The following COA8 variants were observed in gnomAD, a reference collection of about 807,000 sequenced individuals.
COA8 encodes cytochrome c oxidase assembly factor 8, also known as UPF0671 protein C14orf153.
Under a neutral mutation model 22.0 loss-of-function variants are expected in COA8, and 20 were observed. The ratio of observed to expected loss-of-function variants is 0.91; its 90% CI spans 0.64 to 1.32. The LOEUF is 1.32. COA8 is among the 40% of genes most tolerant of loss of function. COA8 has a pLI of 0.00. For missense variants in COA8, 266 were observed against 230.0 expected (o/e 1.16, Z -1.01); for synonymous variants, 105 against 79.9 (o/e 1.31, Z -1.68).
chr14:103,574,341 C>A, intron 3 of COA8, 171 bp downstream of exon 3: 1 of 860,306 alleles, frequency 1.2e-6, no homozygotes, highest in Non-Finnish European at 1.9e-6. Context: ...ACCCAGTTCC[C>A]AGGCATGGCT....
intron 1 of COA8, among the ~76,000 whole-genome samples, chr14:103,570,232 G>A (rs1452097214): frequency 6.6e-6 from 1 of 152,090 alleles, no homozygotes; most frequent in African/African-American, 2.4e-5. Flanking sequence ...GTAAAATGTT[G>A]AAGGTCTGTA....
At chr14:103,585,854 G>A (rs1418655794) in intron 3 of COA8, among the ~76,000 whole-genome samples, 3 of 151,592 alleles carry the variant, frequency 2.0e-5, no homozygotes, top group Non-Finnish European at 4.4e-5. Flanking sequence ...GATTACAGGC[G>A]TGAGCCACCA....
chr14:103,573,801 C>G (rs1308264155), intron 2 of COA8, among the ~76,000 whole-genome samples: 1 of 152,208 alleles, frequency 6.6e-6, no homozygotes, highest in East Asian at 1.9e-4. Flanking sequence ...GATCCACCCA[C>G]CTCGTCCTCC....
intron 4 of COA8, 127 bp downstream of exon 4, chr14:103,587,491 T>C: frequency 1.9e-6 from 1 of 528,122 alleles, no homozygotes; most frequent in Non-Finnish European, 3.2e-6. Context: ...TTTATCAACT[T>C]TTTTTTTTCT....
intron 1 of COA8, among the ~76,000 whole-genome samples, chr14:103,570,847 AG>A (rs1418994937): frequency 1.3e-5 from 2 of 152,096 alleles, no homozygotes; most frequent in African/African-American, 4.8e-5. Flanking sequence ...AATAGTTTGG[AG>A]GAAGGGGTGG....
At position 103,563,124 on chromosome 14, in the gene COA8, G is replaced by T. The variant is rs760697714; in HGVS notation, c.123G>T (p.Gly41=). The T allele has an allele frequency of 3.2e-5, 49 of 1,539,540 alleles. No homozygotes were observed. Among genetic ancestry groups the T allele is most frequent in the Non-Finnish European group, 4.0e-5 (46 of 1,148,294 alleles). The change falls in exon 1 of 5, where the codon GGG becomes GGT. Residue 41 remains glycine, a splice_region_variant and synonymous_variant. Coordinates refer to ENST00000409074, the MANE Select transcript of COA8 (RefSeq NM_001370595.2). ...AGCGCAGGGATACGGCGCCCAGCGG[G>T]GTAAGCAGGGGCCTGGGGACATTGG... The part of the protein sequence containing the change: ...GAERRDTAPS[G]VSRFCPPRKS...
chr14:103,585,499 T>C (rs573895528), intron 3 of COA8, among the ~76,000 whole-genome samples: 1 of 151,512 alleles, frequency 6.6e-6, no homozygotes, highest in East Asian at 1.9e-4. Flanking sequence ...AAAAAAGTTA[T>C]TTACATATTC....
rs777029150 is a variant in COA8 at position 103,571,787 on chromosome 14, G to C, written c.288G>C (p.Gln96His). The C allele has an allele frequency of 3.1e-6, 5 of 1,614,102 alleles. No homozygotes were observed. Among genetic ancestry groups the C allele is most frequent in the Non-Finnish European group, 4.2e-6 (5 of 1,180,022 alleles). ...LRQETQEWNQQFWANQNLTFS... is the reference protein window; with the variant it reads ...LRQETQEWNQHFWANQNLTFS... ...AAGAAACACAAGAATGGAATCAACA[G>C]TTCTGGGCAAACCAGAATTTGACTT... The change falls in exon 2 of 5, where the codon CAG becomes CAC. Residue 96 changes from glutamine (Q) to histidine (H), a missense_variant. Physicochemically the swap from Gln to His is conservative, Grantham distance 24 (BLOSUM62 0). Transcript: ENST00000409074.
At chr14:103,589,771 G>A (rs1304442216) in intron 4 of COA8, among the ~76,000 whole-genome samples, 2 of 151,838 alleles carry the variant, frequency 1.3e-5, no homozygotes, top group Non-Finnish European at 2.9e-5. Context: ...AAAATTAGCC[G>A]GGTGTGGTGG....
chr14:103,589,637 C>G lies in COA8; in HGVS notation c.477-544C>G, dbSNP rs148702442. Among the ~76,000 whole-genome samples the G allele has an allele frequency of 3.9e-5, 6 of 151,962 alleles. No homozygotes were observed. In the South Asian group the frequency reaches 8.3e-4, roughly 21 times the overall value. ...ACAAAAAAAACTCCAAAGGAGGGGCCGGGTGCGGTGGCTCACACCTGTAAT... is the reference window on the plus strand; with the variant it reads ...ACAAAAAAAACTCCAAAGGAGGGGCGGGGTGCGGTGGCTCACACCTGTAAT... On this transcript the variant is annotated intron_variant, in intron 4 of 4. Transcript: ENST00000409074.
At chr14:103,580,085 C>T (rs1415464241) in intron 3 of COA8, among the ~76,000 whole-genome samples, 1 of 151,410 alleles carries the variant, frequency 6.6e-6, no homozygotes, top group African/African-American at 2.4e-5. Context: ...AGGTTATTTG[C>T]AAATATTTGG....
chr14:103,568,523 A>G (rs949114034), intron 1 of COA8, among the ~76,000 whole-genome samples: 2 of 150,942 alleles, frequency 1.3e-5, no homozygotes, highest in African/African-American at 2.5e-5. Context: ...ATATATACAC[A>G]CACATACACA....
chr14:103,571,380 A>AG (rs2076183105), intron 1 of COA8, among the ~76,000 whole-genome samples: 1 of 151,942 alleles, frequency 6.6e-6, no homozygotes, highest in Non-Finnish European at 1.5e-5. Context: ...AAAAAAAAAA[A>AG]GAAAGCTTAG....
intron 3 of COA8, among the ~76,000 whole-genome samples, chr14:103,576,416 A>G (rs35026580): frequency 0.25 from 38,204 of 152,174 alleles, 5,333 homozygotes; most frequent in East Asian, 0.35. Context: ...ATCTGGAGGA[A>G]TGATACCGTC....
intron 1 of COA8, among the ~76,000 whole-genome samples, chr14:103,568,552 CAT>C (rs994138448): frequency 1.8e-4 from 26 of 147,418 alleles, no homozygotes; most frequent in African/African-American, 5.5e-4. Flanking sequence ...CACATGTACA[CAT>C]ATACACACAT....
chr14:103,577,391 A>G (rs964649476), intron 3 of COA8, among the ~76,000 whole-genome samples: 1 of 152,094 alleles, frequency 6.6e-6, no homozygotes, highest in African/African-American at 2.4e-5. Context: ...TGCATATGCA[A>G]CAAGAAGTCA....
At chr14:103,575,732 C>T (rs1268930929) in intron 3 of COA8, among the ~76,000 whole-genome samples, 1 of 152,148 alleles carries the variant, frequency 6.6e-6, no homozygotes, top group Non-Finnish European at 1.5e-5. Flanking sequence ...CAGGGTCTCA[C>T]TCTGTCTCCC....
chr14:103,567,491 C>T (rs1441014183), intron 1 of COA8: 1 of 151,852 alleles, frequency 6.6e-6, no homozygotes, highest in Non-Finnish European at 1.5e-5. Flanking sequence ...AATACCCTGC[C>T]GTGATGACTT....
Position 103,572,547 on chromosome 14 carries a change from T to C in COA8, c.321+727T>C, listed in dbSNP as rs146522341. 9.7e-4 allele frequency among the ~76,000 whole-genome samples: 147 copies of C among 152,172 alleles called. 1 individual carries two copies. Among genetic ancestry groups the C allele is most frequent in the African/African-American group, 3.3e-3 (138 of 41,514 alleles). ...GAGTTTGAGAGCAGCCTGGCCAACG[T>C]AGCGAAACCTTATCTCTACTAAAAA... On this transcript the variant is annotated intron_variant, in intron 2 of 4. Coordinates refer to ENST00000409074, the MANE Select transcript of COA8 (RefSeq NM_001370595.2).
Sources: gnomAD v4.1 joint callset for allele counts (sites outside exome capture counted in the v4.1 genomes callset) on GRCh38, gnomAD v4.1.1 for gene constraint, MANE v1.5 for transcripts, NCBI Gene and HGNC (gene_info 2026-07-23, HGNC 2026-07-21) for gene names.